Variants in OR4D1 observed in about 807,000 individuals in gnomAD.
OR4D1 encodes olfactory receptor family 4 subfamily D member 1.
A neutral mutation model predicts 14.2 loss-of-function variants in OR4D1; 10 were observed. That is an observed-to-expected ratio of 0.71 (90% CI 0.44 to 1.20). The LOEUF is 1.20. Among genes scored for constraint, OR4D1 ranks in the 50% most tolerant of loss-of-function variants. The probability of loss-of-function intolerance (pLI) is 0.00; values close to 1 mark genes in which losing one functional copy is unlikely to be tolerated. For missense variants in OR4D1, 345 were observed against 376.6 expected, an observed-to-expected ratio of 0.92 and a Z score of 0.70; for synonymous variants, 141 against 147.4, an observed-to-expected ratio of 0.96 and a Z score of 0.32.
chr17:58,156,094 G>GTAAGTTGACTTTAAATGACAAAT lies in OR4D1; in HGVS notation c.*10_*32dup. 6.5e-7 allele frequency: 1 copy of GTAAGTTGACTTTAAATGACAAAT among 1,529,610 alleles called. No homozygotes were observed. The highest frequency in any genetic ancestry group is 8.8e-7 in the Non-Finnish European group (1 of 1,134,652). The allele number at this position is 1,529,610 out of a possible 1,614,324, so 94.8% of individuals were successfully genotyped here. A position where few individuals can be genotyped will look rare whatever the true frequency, so the allele number is the denominator to read the frequency against. On this transcript the variant is annotated 3_prime_UTR_variant, in exon 4 of 4. Coordinates refer to ENST00000268912, the MANE Select transcript of OR4D1 (RefSeq NM_001386095.1). ...GTAATTTGCAGGGAGTAAACTTTAA[G>GTAAGTTGACTTTAAATGACAAAT]TAAGTTGACTTTAAATGACAAATTT...
rs1397889091 is a variant in OR4D1, at chr17:58,155,970, A to G, written c.817A>G (p.Ile273Val). 1.2e-6 allele frequency: 2 copies of G among 1,613,942 alleles called. No homozygotes were observed. The highest frequency in any genetic ancestry group is 1.7e-5 in the Admixed American group (1 of 60,026). Reference protein sequence around the residue: ...TPFLMDKAVSISYTVMTPMLN... With the variant: ...TPFLMDKAVSVSYTVMTPMLN... ...ATTCCTCATGGACAAGGCTGTGTCC[A>G]TCAGCTACACAGTCATGACCCCCAT... The change falls in exon 4 of 4, where the codon ATC becomes GTC. Residue 273 changes from isoleucine to valine, a missense_variant. By Grantham distance (29) the Ile-to-Val change is conservative (BLOSUM62 3). Coordinates refer to ENST00000268912, the MANE Select transcript of OR4D1 (RefSeq NM_001386095.1).
In OR4D1 at chr17:58,157,428, C is replaced by A; in HGVS notation, c.*1342C>A. 1 of 1,134,894 alleles carries A rather than the reference C, an allele frequency of 8.8e-7. No individual in the cohort carries two copies. 70.3% of individuals were successfully genotyped at this position (1,134,894 alleles called of 1,614,324 possible). ...ACCCTGAGAAAACACAAGACCAATC[C>A]GAAGCCGCGCACAGCCTTTACCACG... On this transcript the variant is annotated 3_prime_UTR_variant, in exon 4 of 4. Transcript: ENST00000268912.
chr17:58,154,607 T>G (rs1202715682), intron 3 of OR4D1, among the ~76,000 whole-genome samples: 1 of 152,218 alleles, frequency 6.6e-6, no homozygotes, highest in Non-Finnish European at 1.5e-5. Flanking sequence ...CATAACAATT[T>G]TCTTCTAATG....
At chr17:58,151,399 C>T (rs1967700927) in intron 2 of OR4D1, among the ~76,000 whole-genome samples, 1 of 152,326 alleles carries the variant, frequency 6.6e-6, no homozygotes, top group African/African-American at 2.4e-5. Flanking sequence ...AGCTATTCCT[C>T]CTGATGCTCT....
At position 58,155,753 on chromosome 17, in the gene OR4D1, C is replaced by T; in HGVS notation, c.600C>T (p.Ile200=). 6.2e-7 allele frequency: 1 copy of T among 1,614,166 alleles called. No individual in the cohort carries two copies. Among genetic ancestry groups the T allele is most frequent in the East Asian group, 2.2e-5 (1 of 44,884 alleles). The change falls in exon 4 of 4, where the codon ATC becomes ATT. Residue 200 remains isoleucine, a synonymous_variant. Coordinates refer to ENST00000268912, the MANE Select transcript of OR4D1 (RefSeq NM_001386095.1). ...CCTCCCTCCTGGAGTTCCTCATGAT[C>T]TCCAACAGTGGGCTGCTAGTTATCA... ...TDTSLLEFLM[I]SNSGLLVIIW... is the part of the protein sequence containing the mutation.
Position 58,155,891 on chromosome 17 carries a change from G to A in OR4D1, c.738G>A (p.Val246=), listed in dbSNP as rs1967764679. The change falls in exon 4 of 4, where the codon GTG becomes GTA. Residue 246 remains valine, a synonymous_variant. Transcript: ENST00000268912. ...AASTCTTHII[V]VSMIFIPCIY... ...CCACCTGCACCACCCACATCATCGT[G>A]GTGTCCATGATCTTCATTCCCTGTA... 1 of 1,613,986 alleles carries A rather than the reference G, an allele frequency of 6.2e-7. No homozygotes were observed. The highest frequency in any genetic ancestry group is 1.3e-5 in the African/African-American group (1 of 74,906).
chr17:58,153,824 C>G (rs1361737912), intron 2 of OR4D1, among the ~76,000 whole-genome samples, 33 bp from the exon 3 acceptor site: 1 of 152,100 alleles, frequency 6.6e-6, no homozygotes, highest in Non-Finnish European at 1.5e-5. Flanking sequence ...AATCATGTCT[C>G]CCTTCATGCT....
chr17:58,155,075 G>A, intron 3 of OR4D1, 60 bp from the exon 4 acceptor site: 1 of 1,171,252 alleles, frequency 8.5e-7, no homozygotes, highest in South Asian at 1.5e-5. Flanking sequence ...ACTGTCCAAG[G>A]AAAATGATTG....
At chr17:58,151,303 C>T (rs1409097410) in intron 2 of OR4D1, among the ~76,000 whole-genome samples, 1 of 152,064 alleles carries the variant, frequency 6.6e-6, no homozygotes, top group African/African-American at 2.4e-5. Flanking sequence ...GCAGGATGTG[C>T]AGGTTTGTTA....
chr17:58,154,645 A>G (rs1450465658), intron 3 of OR4D1, among the ~76,000 whole-genome samples: 1 of 152,192 alleles, frequency 6.6e-6, no homozygotes, highest in Non-Finnish European at 1.5e-5. Flanking sequence ...AGCAATAAAC[A>G]TCCTCTCAAA....
rs1419577953 is a variant in OR4D1, at chr17:58,149,618, T to G, written c.-305T>G. ...ATCCTCATGAAAAAATACCAAGGCA[T>G]AGCAACATTATGGAAGAGCTAATTA... On this transcript the variant is annotated 5_prime_UTR_variant, in exon 2 of 4. Transcript: ENST00000268912. 1 of 152,166 alleles carries G rather than the reference T, an allele frequency of 6.6e-6. No homozygotes were observed. The highest frequency in any genetic ancestry group is 1.5e-5 in the Non-Finnish European group (1 of 68,058). The allele number at this position is 152,166 out of a possible 1,614,324, so 9.4% of individuals were successfully genotyped here. A position where few individuals can be genotyped will look rare whatever the true frequency, so the allele number is the denominator to read the frequency against.
chr17:58,153,144 G>A (rs2143658506), intron 2 of OR4D1, among the ~76,000 whole-genome samples: 1 of 152,292 alleles, frequency 6.6e-6, no homozygotes, highest in East Asian at 1.9e-4. Context: ...GACACCATGT[G>A]GTGGAGAAAG....
chr17:58,150,211 G>A (rs888507516), intron 2 of OR4D1, among the ~76,000 whole-genome samples: 1 of 116,124 alleles, frequency 8.6e-6, no homozygotes, highest in African/African-American at 2.7e-5. Context: ...TTGTGTGGAA[G>A]CCCCTGAAAT....
Position 58,155,286 on chromosome 17 carries a change from A to G in OR4D1, c.133A>G (p.Ile45Val), listed in dbSNP as rs763871995. Residue 45 changes from isoleucine (I) to valine (V), a missense_variant, in exon 4 of 4, where the codon ATC (isoleucine) becomes GTC (valine). Transcript: ENST00000268912. ...TACCACCATTGTGGGAAACCTCCTT[A>G]TCATGGTCACAGTGACTTTTGACTG... The part of the protein sequence containing the change: ...YVTTIVGNLL[I>V]MVTVTFDCRL... 6.8e-6 allele frequency: 11 copies of G among 1,614,042 alleles called. No homozygotes were observed. The Middle Eastern group carries it at 1.3e-3, about 194-fold the overall frequency.
Position 58,157,543 on chromosome 17 carries a change from C to T in OR4D1, c.*1457C>T. On this transcript the variant is annotated 3_prime_UTR_variant, in exon 4 of 4. Coordinates refer to ENST00000268912, the MANE Select transcript of OR4D1 (RefSeq NM_001386095.1). Reference sequence around the variant, plus strand: ...CGGACTTCTCCAGCTCTCCGAACCTCACGGAGACTCAGGTCAAAATCTTGT... The same window carrying T: ...CGGACTTCTCCAGCTCTCCGAACCTTACGGAGACTCAGGTCAAAATCTTGT... The T allele has an allele frequency of 6.8e-7, 1 of 1,472,862 alleles. No homozygotes were observed. The highest frequency in any genetic ancestry group is 9.5e-7 in the Non-Finnish European group (1 of 1,052,040). The allele number at this position is 1,472,862 out of a possible 1,614,324, so 91.2% of individuals were successfully genotyped here. A position where few individuals can be genotyped will look rare whatever the true frequency, so the allele number is the denominator to read the frequency against.
chr17:58,153,955 A>G lies in OR4D1; in HGVS notation c.-28A>G, dbSNP rs1967734198. ...TCCACCTCAGCCTCCTGAATAACTG[A>G]GACTACAGGTATGCACTACCATGCC... is the stretch of plus-strand genomic sequence containing the variant. On this transcript the variant is annotated 5_prime_UTR_variant, in exon 3 of 4. Transcript: ENST00000268912. Among the ~76,000 whole-genome samples the G allele has an allele frequency of 6.6e-6, 1 of 152,154 alleles. No individual in the cohort carries two copies. Among genetic ancestry groups the G allele is most frequent in the Admixed American group, 6.5e-5 (1 of 15,298 alleles).
chr17:58,155,060 T>G, intron 3 of OR4D1, 75 bp from the exon 4 acceptor site: 1 of 1,032,708 alleles, frequency 9.7e-7, no homozygotes. Context: ...ATCAACTCAA[T>G]CCTGACTGTC....
Position 58,155,646 on chromosome 17 carries a change from C to T in OR4D1, c.493C>T (p.Pro165Ser), listed in dbSNP as rs1967759792. Residue 165 changes from proline (P) to serine (S), a missense_variant, in exon 4 of 4, where the codon CCA becomes TCA. By Grantham distance (74) the Pro-to-Ser change is moderately conservative (BLOSUM62 -1). Coordinates refer to ENST00000268912, the MANE Select transcript of OR4D1 (RefSeq NM_001386095.1). ...HSIVQLALIL[P>S]LPFCGPNILD... The stretch of plus-strand genomic sequence containing the variant: ...CATTGTCCAACTGGCTCTGATACTT[C>T]CACTGCCCTTCTGTGGCCCCAATAT... 3 of 1,614,058 alleles carry T rather than the reference C, an allele frequency of 1.9e-6. No homozygotes were observed. Among genetic ancestry groups the T allele is most frequent in the South Asian group, 1.1e-5 (1 of 91,080 alleles).
chr17:58,157,312 A>G lies in OR4D1; in HGVS notation c.*1226A>G, dbSNP rs1597953219. ...AAGCCCTTCGAGACCGCCTCGGTCA[A>G]GTGGGAAAACTCCCTAAGACGGAGC... On this transcript the variant is annotated 3_prime_UTR_variant, in exon 4 of 4. Coordinates refer to ENST00000268912, the MANE Select transcript of OR4D1 (RefSeq NM_001386095.1). 1 of 1,505,032 alleles carries G rather than the reference A, an allele frequency of 6.6e-7. No individual in the cohort carries two copies. Among genetic ancestry groups the G allele is most frequent in the Non-Finnish European group, 8.9e-7 (1 of 1,121,372 alleles). 93.2% of individuals were successfully genotyped at this position (1,505,032 alleles called of 1,614,324 possible).
Sources: gnomAD v4.1 joint callset for allele counts (sites outside exome capture counted in the v4.1 genomes callset) on GRCh38, gnomAD v4.1.1 for gene constraint, MANE v1.5 for transcripts, NCBI Gene and HGNC (gene_info 2026-07-23, HGNC 2026-07-21) for gene names.